Variants in PRKCD observed in about 807,000 individuals in gnomAD.
The protein encoded by PRKCD is protein kinase C delta type.
PRKCD carries 20 observed loss-of-function variants against 82.2 expected under a neutral mutation model. The observed-to-expected ratio is 0.24, with a 90% CI of 0.17 to 0.35. The LOEUF (loss-of-function observed/expected upper bound fraction) is 0.35, where lower values mean the gene tolerates loss of function less well. Ranked by LOEUF, PRKCD falls within the 10% of genes least tolerant of loss-of-function variation. PRKCD has a pLI of 1.00. For synonymous variants in PRKCD, 317 were observed against 337.0 expected (o/e 0.94, Z 0.65); for missense variants, 607 against 899.0 (o/e 0.68, Z 4.15).
chr3:53,191,389 G>C (rs1462210302), intron 18 of PRKCD, among the ~76,000 whole-genome samples: 1 of 152,168 alleles, frequency 6.6e-6, no homozygotes, highest in Non-Finnish European at 1.5e-5. Context: ...GCCTGGGCAA[G>C]AGAGTGAGAC....
At chr3:53,164,703 C>A (rs1553663573) in intron 1 of PRKCD, among the ~76,000 whole-genome samples, 1 of 152,096 alleles carries the variant, frequency 6.6e-6, no homozygotes, top group Non-Finnish European at 1.5e-5. Context: ...TAGTAGTTTC[C>A]CCATTAAAAA....
chr3:53,180,210 A>G (rs978669965), intron 4 of PRKCD, among the ~76,000 whole-genome samples: 6 of 148,464 alleles, frequency 4.0e-5, no homozygotes, highest in African/African-American at 1.5e-4. Flanking sequence ...TAACTGCATG[A>G]AAGGGTGTGT....
intron 14 of PRKCD, 134 bp from the exon 15 acceptor site, chr3:53,187,206 C>A: frequency 9.9e-7 from 1 of 1,014,796 alleles, no homozygotes; most frequent in East Asian, 2.4e-5. Flanking sequence ...ACAAGATGTA[C>A]TTGATCATGC....
In PRKCD at chr3:53,181,626, A is replaced by C. The variant is rs782701175; in HGVS notation, c.539+20A>C. The C allele has an allele frequency of 1.2e-6, 2 of 1,614,078 alleles. No individual in the cohort carries two copies. Among genetic ancestry groups the C allele is most frequent in the Non-Finnish European group, 1.7e-6 (2 of 1,179,940 alleles). On this transcript the variant is annotated intron_variant, in intron 6 of 18. Transcript: ENST00000330452. The stretch of plus-strand genomic sequence containing the variant: ...TGTCTGGTGAGAACCGGCCATGCCC[A>C]CTGGTGGTGGTGCAGGGTAGTGGGG...
At chr3:53,165,913 A>C (rs1489385235) in intron 2 of PRKCD, among the ~76,000 whole-genome samples, 1 of 152,164 alleles carries the variant, frequency 6.6e-6, no homozygotes, top group African/African-American at 2.4e-5. Flanking sequence ...CCATGAAAAC[A>C]TTGCTGTGGG....
chr3:53,190,895 AAATCACACAGCCTGCT>A (rs1364591114), intron 18 of PRKCD, among the ~76,000 whole-genome samples: 3 of 100,008 alleles, frequency 3.0e-5, no homozygotes, highest in African/African-American at 8.6e-5. Flanking sequence ...AGCTGCAAGA[AAATCACACAGCCTGCT>A]TTCAGTCTCA....
At position 53,161,439 on chromosome 3, in the gene PRKCD, G is replaced by C. The variant is rs1702652577; in HGVS notation, c.-132+11G>C. ...CCCCTGCAACGGGAGGTAAGTGAGG[G>C]CCGGGTCCGGGCGCGGGATCGGGGC... On this transcript the variant is annotated intron_variant, in intron 1 of 18. Transcript: ENST00000330452. 6.6e-6 allele frequency: 1 copy of C among 151,786 alleles called. No individual in the cohort carries two copies. The highest frequency in any genetic ancestry group is 2.4e-5 in the African/African-American group (1 of 41,366). The allele number at this position is 151,786 out of a possible 1,614,324, so 9.4% of individuals were successfully genotyped here. A position where few individuals can be genotyped will look rare whatever the true frequency, so the allele number is the denominator to read the frequency against.
intron 2 of PRKCD, among the ~76,000 whole-genome samples, chr3:53,173,254 G>A (rs996280473): frequency 3.9e-5 from 6 of 152,128 alleles, no homozygotes; most frequent in South Asian, 2.1e-4. Flanking sequence ...TTCTGTGCCC[G>A]GGAGCTCCAA....
intron 8 of PRKCD, 38 bp downstream of exon 8, chr3:53,183,244 G>T (rs782171191): frequency 1.9e-6 from 3 of 1,606,380 alleles, no homozygotes; most frequent in Non-Finnish European, 2.6e-6. Flanking sequence ...GGATCTGGGG[G>T]GCTTGGCCAG....
intron 2 of PRKCD, among the ~76,000 whole-genome samples, chr3:53,174,414 C>T (rs1553665522): frequency 6.6e-6 from 1 of 152,234 alleles, no homozygotes; most frequent in South Asian, 2.1e-4. Context: ...CCGGCACCCC[C>T]TGGCCCTGCA....
intron 2 of PRKCD, among the ~76,000 whole-genome samples, chr3:53,174,146 A>G (rs1277992007): frequency 1.3e-5 from 2 of 152,238 alleles, no homozygotes; most frequent in Non-Finnish European, 2.9e-5. Flanking sequence ...GGATAACGTG[A>G]GCTAATGTAA....
chr3:53,191,693 G>T (rs1703931360), intron 18 of PRKCD, among the ~76,000 whole-genome samples: 1 of 152,160 alleles, frequency 6.6e-6, no homozygotes, highest in Non-Finnish European at 1.5e-5. Flanking sequence ...TATTACAAAA[G>T]CTTTATTTAT....
intron 1 of PRKCD, among the ~76,000 whole-genome samples, chr3:53,162,412 G>A (rs1702701847): frequency 6.6e-6 from 1 of 152,202 alleles, no homozygotes; most frequent in Non-Finnish European, 1.5e-5. Context: ...AGAAGGATCT[G>A]CTGTGAGTGG....
chr3:53,185,792 T>A, intron 11 of PRKCD, 92 bp downstream of exon 11: 1 of 1,532,778 alleles, frequency 6.5e-7, no homozygotes, highest in Non-Finnish European at 9.0e-7. Flanking sequence ...AAGTGAGACA[T>A]GGAAGGAACC....
rs782716883 is a variant in PRKCD at position 53,190,020 on chromosome 3, T to C, written c.1872+19T>C. ...CAAAGTGGTATGTGATCCTGCCCTG[T>C]GCTGCCTTCAGGCTGAGCTACTCCT... On this transcript the variant is annotated intron_variant, in intron 18 of 18. Transcript: ENST00000330452. The C allele has an allele frequency of 3.1e-6, 5 of 1,613,424 alleles. No homozygotes were observed. The highest frequency in any genetic ancestry group is 1.7e-4 in the Middle Eastern group (1 of 6,052).
At chr3:53,184,691 AGAGAG>A (rs1192273163) in intron 9 of PRKCD, among the ~76,000 whole-genome samples, 178 bp from the exon 10 acceptor site, 2 of 92,766 alleles carry the variant, frequency 2.2e-5, no homozygotes, top group African/African-American at 3.9e-5. Flanking sequence ...AAAAAAAAAA[AGAGAG>A]AGAGAGAGAG....
At chr3:53,176,882 G>A (rs1370415077) in intron 2 of PRKCD, among the ~76,000 whole-genome samples, 1 of 152,158 alleles carries the variant, frequency 6.6e-6, no homozygotes, top group East Asian at 1.9e-4. Flanking sequence ...AGGCTGGAGT[G>A]CAATGGCGCA....
rs782592704 is a variant in PRKCD at position 53,178,491 on chromosome 3, G to T, written c.69G>T (p.Ala23=). ...ELGSLQAEDE[A]NQPFCAVKMK... ...GCTCCCTGCAGGCCGAGGACGAGGCGAACCAGCCCTTCTGTGCCGTGAAGA... is the reference window on the plus strand; with the variant it reads ...GCTCCCTGCAGGCCGAGGACGAGGCTAACCAGCCCTTCTGTGCCGTGAAGA... The change falls in exon 3 of 19, where the codon GCG becomes GCT. Residue 23 remains alanine (A), a synonymous_variant. Transcript: ENST00000330452. The T allele has an allele frequency of 1.2e-6, 2 of 1,613,086 alleles. No individual in the cohort carries two copies. The highest frequency in any genetic ancestry group is 1.1e-5 in the South Asian group (1 of 91,040).
chr3:53,187,125 A>G (rs1165075674), intron 14 of PRKCD, among the ~76,000 whole-genome samples: 2 of 152,066 alleles, frequency 1.3e-5, no homozygotes, highest in African/African-American at 4.8e-5. Flanking sequence ...ATACACTCTT[A>G]GAGAATTGGC....
Sources: allele counts gnomAD v4.1 joint callset (sites outside exome capture counted in the v4.1 genomes callset), GRCh38; gene constraint gnomAD v4.1.1; transcripts MANE v1.5; gene names NCBI Gene and HGNC (gene_info 2026-07-23, HGNC 2026-07-21).